Variants in THSD7A observed in about 807,000 individuals in gnomAD.
The protein encoded by THSD7A is thrombospondin type-1 domain-containing protein 7A.
In THSD7A, 96 loss-of-function variants were observed where a neutral mutation model predicts 231.3. That is an observed-to-expected ratio of 0.41 (90% CI 0.35 to 0.49). The LOEUF (loss-of-function observed/expected upper bound fraction) is 0.49, where lower values mean the gene tolerates loss of function less well. Ranked by LOEUF, THSD7A falls within the 20% of genes least tolerant of loss-of-function variation. The probability of loss-of-function intolerance (pLI) is 0.05; values close to 1 mark genes in which losing one functional copy is unlikely to be tolerated. For synonymous variants in THSD7A, 940 were observed against 743.3 expected, an observed-to-expected ratio of 1.26 and a Z score of -4.30; for missense variants, 2,290 against 2,070.2, an observed-to-expected ratio of 1.11 and a Z score of -2.06.
chr7:11,415,284 A>C (rs1308727939), intron 17 of THSD7A, among the ~76,000 whole-genome samples: 3 of 152,258 alleles, frequency 2.0e-5, no homozygotes, highest in Non-Finnish European at 4.4e-5. Flanking sequence ...TATTGCTAGC[A>C]TTGTGCCAGA....
intron 11 of THSD7A, among the ~76,000 whole-genome samples, chr7:11,456,984 T>C (rs913523359): frequency 1.3e-5 from 2 of 152,098 alleles, no homozygotes; most frequent in Non-Finnish European, 2.9e-5. Context: ...TTAAAGTTAA[T>C]AACATTTAAG....
At chr7:11,401,621 G>C (rs1204032800) in intron 23 of THSD7A, among the ~76,000 whole-genome samples, 174 bp downstream of exon 23, 4 of 152,098 alleles carry the variant, frequency 2.6e-5, no homozygotes, top group African/African-American at 7.2e-5. Context: ...ATGTTGGCCA[G>C]GCTGGTCTCA....
chr7:11,711,795 C>A (rs1286361688), intron 1 of THSD7A, among the ~76,000 whole-genome samples: 2 of 151,152 alleles, frequency 1.3e-5, no homozygotes, highest in African/African-American at 4.8e-5. Context: ...TGGCCAAAGG[C>A]CAGTTAGTCT....
chr7:11,672,720 C>A (rs186520072), intron 1 of THSD7A, among the ~76,000 whole-genome samples: 39 of 152,190 alleles, frequency 2.6e-4, no homozygotes, highest in African/African-American at 8.9e-4. Context: ...ATATACCTCA[C>A]GGTGCTTTAT....
intron 6 of THSD7A, among the ~76,000 whole-genome samples, chr7:11,540,146 C>T (rs1318280531): frequency 6.6e-6 from 1 of 152,180 alleles, no homozygotes; most frequent in Non-Finnish European, 1.5e-5. Context: ...GAGGACATAT[C>T]ACAGCAGATT....
At chr7:11,502,720 C>T (rs1244641295) in intron 6 of THSD7A, among the ~76,000 whole-genome samples, 2 of 152,048 alleles carry the variant, frequency 1.3e-5, no homozygotes, top group African/African-American at 4.8e-5. Flanking sequence ...GCCACACACA[C>T]ACAAAATACC....
chr7:11,737,975 T>G (rs1228792400), intron 1 of THSD7A, among the ~76,000 whole-genome samples: 1 of 152,018 alleles, frequency 6.6e-6, no homozygotes. Flanking sequence ...TGCATGACTC[T>G]CTCATTATTC....
chr7:11,598,685 A>T (rs115247749), intron 2 of THSD7A, among the ~76,000 whole-genome samples: 1,619 of 152,272 alleles, frequency 0.011, 34 homozygotes, highest in African/African-American at 0.036. Flanking sequence ...AGCATGCAAT[A>T]TATGGTACTC....
chr7:11,734,844 C>G (rs116632045), intron 1 of THSD7A, among the ~76,000 whole-genome samples: 1 of 151,834 alleles, frequency 6.6e-6, no homozygotes, highest in African/African-American at 2.4e-5. Flanking sequence ...ATTGAATAAA[C>G]CCATTTTTTC....
rs149601642 is a variant in THSD7A at position 11,547,030 on chromosome 7, A to G, written c.1454-3913T>C. Among the ~76,000 whole-genome samples the G allele has an allele frequency of 5.8e-4, 88 of 152,322 alleles. No individual in the cohort carries two copies. The East Asian group carries it at 0.013, about 23-fold the overall frequency. ...AATGTAAACAAATTAAAAAAGTGAA[A>G]TAAGGAATTATGTGAAATATGGGAT... On this transcript the variant is annotated intron_variant, in intron 4 of 27. Transcript: ENST00000423059.
intron 11 of THSD7A, among the ~76,000 whole-genome samples, chr7:11,459,603 T>C (rs1329949631): frequency 6.6e-6 from 1 of 150,952 alleles, no homozygotes; most frequent in Middle Eastern, 3.2e-3. Context: ...TTAAGATTAT[T>C]TGGAAACTAA....
chr7:11,670,374 T>G (rs1783334330), intron 1 of THSD7A, among the ~76,000 whole-genome samples: 1 of 152,194 alleles, frequency 6.6e-6, no homozygotes, highest in Non-Finnish European at 1.5e-5. Context: ...GGCTGTGTAA[T>G]GGAAGAATGA....
chr7:11,668,657 G>A (rs114911182), intron 1 of THSD7A, among the ~76,000 whole-genome samples: 1 of 152,134 alleles, frequency 6.6e-6, no homozygotes, highest in African/African-American at 2.4e-5. Flanking sequence ...ACACAACTAG[G>A]GGTAAATGGG....
At chr7:11,584,528 C>A (rs1490363811) in intron 4 of THSD7A, among the ~76,000 whole-genome samples, 1 of 151,816 alleles carries the variant, frequency 6.6e-6, no homozygotes, top group Non-Finnish European at 1.5e-5. Context: ...TGTCACATAG[C>A]TTGAATGGGA....
At chr7:11,554,014 T>C (rs1789739372) in intron 4 of THSD7A, among the ~76,000 whole-genome samples, 1 of 151,958 alleles carries the variant, frequency 6.6e-6, no homozygotes, top group African/African-American at 2.4e-5. Flanking sequence ...TGATATGAAA[T>C]TGTAATTTGA....
chr7:11,793,713 C>A (rs1784033653), intron 1 of THSD7A, among the ~76,000 whole-genome samples: 1 of 151,644 alleles, frequency 6.6e-6, no homozygotes, highest in Admixed American at 6.6e-5. Flanking sequence ...AATTAAGAAT[C>A]CCCAAATATA....
chr7:11,507,513 A>G (rs1344560188), intron 6 of THSD7A, among the ~76,000 whole-genome samples: 5 of 151,996 alleles, frequency 3.3e-5, no homozygotes, highest in Admixed American at 3.3e-4. Flanking sequence ...ATAAGTAACA[A>G]AAATATTATC....
intron 4 of THSD7A, among the ~76,000 whole-genome samples, chr7:11,578,468 G>C (rs1258093916): frequency 6.6e-6 from 1 of 152,114 alleles, no homozygotes; most frequent in Non-Finnish European, 1.5e-5. Flanking sequence ...TATTTCCAAA[G>C]AATACAATTG....
rs921016466 is a variant in THSD7A, at chr7:11,831,986, C to T, written c.-40G>A. The T allele has an allele frequency of 1.7e-6, 2 of 1,211,762 alleles. No individual in the cohort carries two copies. The highest frequency in any genetic ancestry group is 2.1e-6 in the Non-Finnish European group (2 of 973,270). 75.1% of individuals were successfully genotyped at this position (1,211,762 alleles called of 1,614,324 possible). ...CTCCAGGGTCCAGAGCCGTAGCACG[C>T]TCGGCAGGGAATTTTTCTCCGCTCT... On this transcript the variant is annotated 5_prime_UTR_variant, in exon 1 of 28. Coordinates refer to ENST00000423059, the MANE Select transcript of THSD7A (RefSeq NM_015204.3). This position sits in a 1 kb window ranked among gnomAD's most constrained non-coding sequence, Gnocchi z 5.0.
Sources: allele counts gnomAD v4.1 joint callset (sites outside exome capture counted in the v4.1 genomes callset), GRCh38; gene constraint gnomAD v4.1.1; non-coding constraint Gnocchi (gnomAD v3.1); transcripts MANE v1.5; gene names NCBI Gene and HGNC (gene_info 2026-07-23, HGNC 2026-07-21).